DPH6: variants seen among roughly 807,000 people sequenced by gnomAD.
DPH6 encodes diphthine--ammonia ligase.
In DPH6, 33 loss-of-function variants were observed where a neutral mutation model predicts 38.2. The observed-to-expected ratio is 0.86, with a 90% CI of 0.65 to 1.15. The LOEUF is 1.15. Among genes scored for constraint, DPH6 ranks in the 50% most tolerant of loss-of-function variants. DPH6 has a pLI of 0.00. For synonymous variants in DPH6, 108 were observed against 103.0 expected (o/e 1.05, Z -0.30); for missense variants, 325 against 320.0 (o/e 1.02, Z -0.12).
chr15:35,444,239 G>A (rs2053823138), intron 5 of DPH6, among the ~76,000 whole-genome samples: 1 of 152,194 alleles, frequency 6.6e-6, no homozygotes, highest in Admixed American at 6.5e-5. Context: ...ACATAGCATA[G>A]TATAGGTTTT....
intron 8 of DPH6, among the ~76,000 whole-genome samples, chr15:35,372,530 G>C (rs1177176515): frequency 6.6e-6 from 1 of 151,888 alleles, no homozygotes; most frequent in Non-Finnish European, 1.5e-5. Flanking sequence ...AAGTAAATCT[G>C]AAAAACATTT....
At chr15:35,416,448 A>G (rs1371560077) in intron 5 of DPH6, among the ~76,000 whole-genome samples, 1 of 152,056 alleles carries the variant, frequency 6.6e-6, no homozygotes, top group Non-Finnish European at 1.5e-5. Context: ...ATGAGGTGAT[A>G]CTATTTAAAC....
the DPH6 span, among the ~76,000 whole-genome samples, chr15:35,146,069 CTGTGTGTGTGTG>C: frequency 0.2 from 29,187 of 147,126 alleles, 3,253 homozygotes; most frequent in East Asian, 0.28. Context: ...CTTATAGTTT[CTGTGTGTGTGTG>C]TGTGTGTGTG....
At chr15:35,444,546 GTCTT>G (rs1471478273) in intron 5 of DPH6, among the ~76,000 whole-genome samples, 6 of 152,154 alleles carry the variant, frequency 3.9e-5, no homozygotes, top group Non-Finnish European at 8.8e-5. Flanking sequence ...ATATTCAAGA[GTCTT>G]TCTTCAATAT....
intron 3 of DPH6, among the ~76,000 whole-genome samples, chr15:35,226,775 A>T (rs2051484672): frequency 6.6e-6 from 1 of 152,224 alleles, no homozygotes; most frequent in Non-Finnish European, 1.5e-5. Flanking sequence ...CTACAGGTTG[A>T]ACGCAATACT....
chr15:35,174,236 T>C, the DPH6 span, among the ~76,000 whole-genome samples: 1 of 84,480 alleles, frequency 1.2e-5, no homozygotes, highest in Non-Finnish European at 2.9e-5. Flanking sequence ...TTATATTAGA[T>C]CATTATAATT....
chr15:35,166,848 A>G, the DPH6 span, among the ~76,000 whole-genome samples: 1 of 151,872 alleles, frequency 6.6e-6, no homozygotes, highest in African/African-American at 2.4e-5. Context: ...CTGGTAAGGG[A>G]GGTGGGGCAA....
At chr15:35,411,465 G>A (rs2053365936) in intron 5 of DPH6, among the ~76,000 whole-genome samples, 1 of 151,582 alleles carries the variant, frequency 6.6e-6, no homozygotes, top group Non-Finnish European at 1.5e-5. Flanking sequence ...TATTTTTCAA[G>A]TAAAGATAGA....
At chr15:35,452,000 A>G (rs947770199) in intron 4 of DPH6, among the ~76,000 whole-genome samples, 12 of 152,108 alleles carry the variant, frequency 7.9e-5, no homozygotes, top group Non-Finnish European at 1.5e-4. Context: ...ACAGAGCGAG[A>G]CTCTGTCTCA....
chr15:35,298,906 C>T (rs770423084), intron 3 of DPH6: 6 of 855,302 alleles, frequency 7.0e-6, no homozygotes, highest in South Asian at 1.3e-5. Flanking sequence ...TCTTTTACTG[C>T]CAGAGAAGTG....
At chr15:35,279,353 G>T (rs2051882223) in intron 3 of DPH6, among the ~76,000 whole-genome samples, 2 of 152,144 alleles carry the variant, frequency 1.3e-5, no homozygotes, top group Non-Finnish European at 2.9e-5. Flanking sequence ...GAGATGGGAT[G>T]ATTGTATTCT....
chr15:35,477,589 C>T (rs143163608), intron 3 of DPH6, among the ~76,000 whole-genome samples: 2 of 151,788 alleles, frequency 1.3e-5, no homozygotes, highest in African/African-American at 2.4e-5. Context: ...TAAAAACCTA[C>T]AGTACCCAGT....
At chr15:35,409,096 G>A (rs1452745456) in intron 6 of DPH6, among the ~76,000 whole-genome samples, 1 of 151,804 alleles carries the variant, frequency 6.6e-6, no homozygotes, top group Non-Finnish European at 1.5e-5. Context: ...AGCACAGGTA[G>A]GGCCTCAGCC....
At chr15:35,508,029 C>T (rs958555768) in intron 3 of DPH6, among the ~76,000 whole-genome samples, 6 of 152,048 alleles carry the variant, frequency 3.9e-5, no homozygotes, top group African/African-American at 9.7e-5. Flanking sequence ...TTTAAACCCT[C>T]GTATTTTCTG....
At chr15:35,194,175 A>G in the DPH6 span, among the ~76,000 whole-genome samples, 1 of 151,952 alleles carries the variant, frequency 6.6e-6, no homozygotes, top group African/African-American at 2.4e-5. Context: ...ATTTTTATTT[A>G]TTTCCTCCTA....
chr15:35,371,741 A>C lies in DPH6; in HGVS notation c.*409T>G. ...TAGAATAAGCTTGACTGGCTAAATA[A>C]AGTGACCATCTTTTCATCTTCATTT... On this transcript the variant is annotated 3_prime_UTR_variant, in exon 9 of 9. Transcript: ENST00000256538. The C allele has an allele frequency of 1.0e-6, 1 of 988,536 alleles. No individual in the cohort carries two copies. The highest frequency in any genetic ancestry group is 1.2e-6 in the Non-Finnish European group (1 of 832,296). The allele number at this position is 988,536 out of a possible 1,614,324, so 61.2% of individuals were successfully genotyped here.
chr15:35,356,167 T>A (rs2052558357), intron 3 of DPH6, among the ~76,000 whole-genome samples: 1 of 152,216 alleles, frequency 6.6e-6, no homozygotes, highest in Non-Finnish European at 1.5e-5. Context: ...CATTGGTTAT[T>A]CTAGTTAGTC....
intron 3 of DPH6, among the ~76,000 whole-genome samples, chr15:35,245,232 C>CT (rs71123123): frequency 0.016 from 1,331 of 81,384 alleles, 7 homozygotes; most frequent in East Asian, 0.034. Context: ...ATTGTTCTTG[C>CT]TTTTTTTTTT....
intron 3 of DPH6, among the ~76,000 whole-genome samples, chr15:35,466,935 A>T (rs1338830288): frequency 1.3e-5 from 2 of 152,186 alleles, no homozygotes; most frequent in African/African-American, 4.8e-5. Flanking sequence ...ACAGGACTGG[A>T]AATTGTTTTG....
Sources: gnomAD v4.1 joint callset for allele counts (sites outside exome capture counted in the v4.1 genomes callset) on GRCh38, gnomAD v4.1.1 for gene constraint, MANE v1.5 for transcripts, NCBI Gene and HGNC (gene_info 2026-07-23, HGNC 2026-07-21) for gene names.